ECT2L: variants seen among roughly 807,000 people sequenced by gnomAD.
ECT2L encodes the protein epithelial cell-transforming sequence 2 oncogene-like.
A neutral mutation model predicts 122.8 loss-of-function variants in ECT2L; 126 were observed. The ratio of observed to expected loss-of-function variants is 1.03; its 90% CI spans 0.89 to 1.19. The LOEUF (loss-of-function observed/expected upper bound fraction) is 1.19, where lower values mean the gene tolerates loss of function less well. ECT2L is among the 50% of genes most tolerant of loss of function. ECT2L has a pLI of 0.00. For missense variants in ECT2L, 1,012 were observed against 1,064.1 expected (o/e 0.95, Z 0.68); for synonymous variants, 385 against 381.8 (o/e 1.01, Z -0.10).
chr6:138,883,750 T>C (rs114001006), intron 16 of ECT2L, among the ~76,000 whole-genome samples: 2,345 of 152,354 alleles, frequency 0.015, 61 homozygotes, highest in African/African-American at 0.053. Flanking sequence ...AAGTATCACA[T>C]GGTATCAGGA....
At chr6:138,843,651 G>A (rs973491755) in intron 6 of ECT2L, among the ~76,000 whole-genome samples, 5 of 152,032 alleles carry the variant, frequency 3.3e-5, no homozygotes, top group Admixed American at 1.3e-4. Flanking sequence ...AGCTCTTTCC[G>A]CTCTTTTTAA....
At chr6:138,802,451 A>G (rs1775574216) in intron 1 of ECT2L, among the ~76,000 whole-genome samples, 1 of 152,262 alleles carries the variant, frequency 6.6e-6, no homozygotes, top group Admixed American at 6.5e-5. Context: ...TAGATAATCA[A>G]TACACACTGT....
chr6:138,849,679 C>A (rs977011466), intron 9 of ECT2L, among the ~76,000 whole-genome samples: 5 of 151,726 alleles, frequency 3.3e-5, no homozygotes, highest in African/African-American at 1.2e-4. Flanking sequence ...AGTGATCTAC[C>A]CACCTCAGCC....
chr6:138,868,047 T>C (rs1441232263), intron 12 of ECT2L, 56 bp from the exon 13 acceptor site: 17 of 1,295,882 alleles, frequency 1.3e-5, no homozygotes, highest in Non-Finnish European at 1.8e-5. Flanking sequence ...GTTGTTGTTT[T>C]TAAATCACAT....
At chr6:138,810,358 G>A (rs925704535) in intron 1 of ECT2L, among the ~76,000 whole-genome samples, 8 of 152,152 alleles carry the variant, frequency 5.3e-5, no homozygotes, top group Admixed American at 3.3e-4. Context: ...TAGGATCTCC[G>A]AATGGAACAA....
chr6:138,883,129 T>C (rs139210692), intron 16 of ECT2L, among the ~76,000 whole-genome samples: 1 of 152,314 alleles, frequency 6.6e-6, no homozygotes, highest in East Asian at 1.9e-4. Context: ...CTGCCCCAGA[T>C]ACCCTCAGCT....
In ECT2L at chr6:138,843,205, T is replaced by C; in HGVS notation, c.569T>C (p.Ile190Thr). The change falls in exon 6 of 22, where the codon ATT (isoleucine) becomes ACT (threonine). Residue 190 changes from isoleucine (I) to threonine (T), a missense_variant. Transcript: ENST00000541398. The part of the protein sequence containing the change: ...RQREKCLRKR[I>T]WEKIALRKKE... ...AGAGAAAAGTGCCTGAGGAAAAGAA[T>C]TTGGGAGAAAATTGCACTACGTAAG... is the stretch of plus-strand genomic sequence containing the variant. The C allele has an allele frequency of 1.2e-6, 2 of 1,609,006 alleles. No homozygotes were observed. Among genetic ancestry groups the C allele is most frequent in the Non-Finnish European group, 1.7e-6 (2 of 1,177,460 alleles).
chr6:138,856,545 A>G (rs1777617647), intron 10 of ECT2L, among the ~76,000 whole-genome samples: 1 of 152,168 alleles, frequency 6.6e-6, no homozygotes, highest in Non-Finnish European at 1.5e-5. Flanking sequence ...TCCAGCCTAC[A>G]CACTCCAACT....
At position 138,823,199 on chromosome 6, in the gene ECT2L, A is replaced by G. The variant is rs1583558338; in HGVS notation, c.179+8596A>G. On this transcript the variant is annotated intron_variant, in intron 4 of 21. Transcript: ENST00000541398. Reference sequence around the variant, plus strand: ...ATGTCCCCAGCCAATCAGGAGTGGGAAAACCATGCTGGATCATCTGTTTCT... The same window carrying G: ...ATGTCCCCAGCCAATCAGGAGTGGGGAAACCATGCTGGATCATCTGTTTCT... 2.0e-6 allele frequency: 3 copies of G among 1,467,750 alleles called. 1 individual carries two copies. The highest frequency in any genetic ancestry group is 2.4e-5 in the East Asian group (1 of 41,232). The allele number at this position is 1,467,750 out of a possible 1,614,324, so 90.9% of individuals were successfully genotyped here.
At chr6:138,808,331 A>G (rs776959485) in intron 1 of ECT2L, among the ~76,000 whole-genome samples, 7 of 152,002 alleles carry the variant, frequency 4.6e-5, no homozygotes, top group Admixed American at 6.6e-5. Context: ...TGCAACTTCA[A>G]CCTCCAGGAC....
chr6:138,798,856 G>A (rs1775433601), intron 1 of ECT2L, among the ~76,000 whole-genome samples: 2 of 152,142 alleles, frequency 1.3e-5, no homozygotes, highest in African/African-American at 2.4e-5. Flanking sequence ...TGTAATAATC[G>A]CTGAGTCTTG....
intron 10 of ECT2L, among the ~76,000 whole-genome samples, chr6:138,857,158 C>G (rs1777639444): frequency 6.6e-6 from 1 of 152,142 alleles, no homozygotes; most frequent in Non-Finnish European, 1.5e-5. Flanking sequence ...CTCCTGTGCC[C>G]TCATTTCTCT....
intron 1 of ECT2L, among the ~76,000 whole-genome samples, chr6:138,797,267 C>A (rs965065903): frequency 2.6e-5 from 4 of 152,180 alleles, no homozygotes; most frequent in Admixed American, 2.0e-4. Flanking sequence ...ATCACACTTA[C>A]TTTTCTTCTA....
At chr6:138,812,221 G>T (rs1775925511) in intron 1 of ECT2L, among the ~76,000 whole-genome samples, 1 of 152,176 alleles carries the variant, frequency 6.6e-6, no homozygotes, top group Non-Finnish European at 1.5e-5. Flanking sequence ...TGGAATTATA[G>T]CCCCTAGAAC....
At chr6:138,849,181 C>T (rs943046631) in intron 8 of ECT2L, 88 bp from the exon 9 acceptor site, 3 of 1,248,110 alleles carry the variant, frequency 2.4e-6, no homozygotes, top group African/African-American at 1.5e-5. Context: ...GAAATCACGG[C>T]GTATTTTGTA....
chr6:138,862,568 T>C, intron 10 of ECT2L, 59 bp from the exon 11 acceptor site: 1 of 1,501,740 alleles, frequency 6.7e-7, no homozygotes, highest in Non-Finnish European at 9.3e-7. Flanking sequence ...ATCCAAGTTA[T>C]ATGATCTTCC....
chr6:138,827,123 C>T (rs527833259), intron 4 of ECT2L, among the ~76,000 whole-genome samples: 4 of 152,218 alleles, frequency 2.6e-5, no homozygotes, highest in South Asian at 2.1e-4. Context: ...CCAACGTGGG[C>T]GGATCATGAG....
At position 138,837,241 on chromosome 6, in the gene ECT2L, T is replaced by C. The variant is rs527999101; in HGVS notation, c.180-1111T>C. ...CTTTCCTCCTTTACATACTTGTAGATCCTTTTTCCAAAAGTGAGAAACCTA... is the reference window on the plus strand; with the variant it reads ...CTTTCCTCCTTTACATACTTGTAGACCCTTTTTCCAAAAGTGAGAAACCTA... On this transcript the variant is annotated intron_variant, in intron 4 of 21. Coordinates refer to ENST00000541398, the MANE Select transcript of ECT2L (RefSeq NM_001077706.3). 1.7e-3 allele frequency among the ~76,000 whole-genome samples: 257 copies of C among 152,348 alleles called. 2 individuals carry two copies. The highest frequency in any genetic ancestry group is 0.015 in the Admixed American group (223 of 15,296).
In ECT2L at chr6:138,854,042, TA is replaced by T. The variant is rs750438274; in HGVS notation, c.1091del (p.Asn364IlefsTer3). 6.2e-7 allele frequency: 1 copy of T among 1,613,918 alleles called. No individual in the cohort carries two copies. Among genetic ancestry groups the T allele is most frequent in the African/African-American group, 1.3e-5 (1 of 74,904 alleles). On this transcript the variant is annotated frameshift_variant, in exon 10 of 22. Transcript: ENST00000541398. LOFTEE classifies it high-confidence loss of function. ...NLLQGYKIGV[K>X]NLLRPEVRDF... ...TTTCCTCAGGCTATAAAATTGGTGTTAAAAATTTACTGAGGCCTGAAGTGAG... is the reference window on the plus strand; with the variant it reads ...TTTCCTCAGGCTATAAAATTGGTGTTAAAATTTACTGAGGCCTGAAGTGAG...
Sources: allele counts gnomAD v4.1 joint callset (sites outside exome capture counted in the v4.1 genomes callset), GRCh38; gene constraint gnomAD v4.1.1; transcripts MANE v1.5; gene names NCBI Gene and HGNC (gene_info 2026-07-23, HGNC 2026-07-21).